The following TMC1 variants were observed in gnomAD, a reference collection of about 807,000 sequenced individuals.
The protein encoded by TMC1 is transmembrane channel like 1, also known as transmembrane channel-like protein 1.
In TMC1, 84 loss-of-function variants were observed where a neutral mutation model predicts 105.8. The observed-to-expected ratio is 0.79, with a 90% CI of 0.67 to 0.95. The LOEUF is 0.95. TMC1 is among the 40% of genes least tolerant of loss of function. The pLI is 0.00. For synonymous variants in TMC1, 315 were observed against 311.5 expected (o/e 1.01, Z -0.12); for missense variants, 817 against 914.1 (o/e 0.89, Z 1.37).
chr9:72,576,940 CA>C (rs2132095309), intron 1 of TMC1, among the ~76,000 whole-genome samples: 1 of 152,150 alleles, frequency 6.6e-6, no homozygotes, highest in East Asian at 1.9e-4. Flanking sequence ...CCTGGACTCC[CA>C]ATTTCTACCT....
intron 4 of TMC1, among the ~76,000 whole-genome samples, chr9:72,637,200 T>C (rs751944477): frequency 2.0e-5 from 3 of 151,954 alleles, no homozygotes; most frequent in Non-Finnish European, 2.9e-5. Context: ...AGAAATTTCA[T>C]AGGGCCAGAT....
intron 12 of TMC1, among the ~76,000 whole-genome samples, chr9:72,755,094 G>GAGAA (rs796269678): frequency 1.8e-3 from 220 of 123,974 alleles, no homozygotes; most frequent in Non-Finnish European, 2.8e-3. Context: ...GAGAGAGAGA[G>GAGAA]AGAAAGAAAG....
At chr9:72,677,371 C>T (rs1373250399) in intron 5 of TMC1, among the ~76,000 whole-genome samples, 2 of 152,122 alleles carry the variant, frequency 1.3e-5, no homozygotes, top group South Asian at 2.1e-4. Flanking sequence ...AGATGAGGCT[C>T]ACCCACATAG....
chr9:72,654,148 T>C (rs1286801953), intron 5 of TMC1, among the ~76,000 whole-genome samples: 2 of 152,206 alleles, frequency 1.3e-5, no homozygotes, highest in African/African-American at 4.8e-5. Context: ...GGTTGTACAG[T>C]AAGTGTTTGA....
At chr9:72,772,222 A>G (rs1827939490) in intron 12 of TMC1, among the ~76,000 whole-genome samples, 191 bp from the exon 13 acceptor site, 1 of 152,230 alleles carries the variant, frequency 6.6e-6, no homozygotes, top group African/African-American at 2.4e-5. Flanking sequence ...ATTTTCAAAT[A>G]AACTGAAAAG....
intron 1 of TMC1, among the ~76,000 whole-genome samples, chr9:72,539,551 T>C (rs979840721): frequency 1.3e-5 from 2 of 152,150 alleles, no homozygotes; most frequent in African/African-American, 4.8e-5. Flanking sequence ...TTTGCTCTAG[T>C]TCCCAGTAAG....
intron 8 of TMC1, among the ~76,000 whole-genome samples, chr9:72,716,394 A>G (rs1434494953): frequency 6.6e-6 from 1 of 152,160 alleles, no homozygotes; most frequent in East Asian, 1.9e-4. Flanking sequence ...CTGTCCCAGG[A>G]AGGTGGGGGT....
chr9:72,599,842 A>G (rs1435445022), intron 2 of TMC1, among the ~76,000 whole-genome samples: 1 of 152,196 alleles, frequency 6.6e-6, no homozygotes, highest in African/African-American at 2.4e-5. Context: ...GAAAAAAGAA[A>G]AAAAGAAAAT....
intron 8 of TMC1, among the ~76,000 whole-genome samples, chr9:72,707,746 A>G (rs942537480): frequency 6.6e-6 from 1 of 152,104 alleles, no homozygotes; most frequent in African/African-American, 2.4e-5. Context: ...TTTGCTGTGC[A>G]GAAGCTCTTT....
At chr9:72,596,017 C>G (rs1309223847) in intron 2 of TMC1, among the ~76,000 whole-genome samples, 2 of 151,952 alleles carry the variant, frequency 1.3e-5, no homozygotes, top group African/African-American at 2.4e-5. Flanking sequence ...GCTGGGACTA[C>G]AGGCGCATGC....
intron 8 of TMC1, among the ~76,000 whole-genome samples, chr9:72,704,556 G>A (rs1826701997): frequency 6.6e-6 from 1 of 152,180 alleles, no homozygotes; most frequent in South Asian, 2.1e-4. Flanking sequence ...CTAGGAATTG[G>A]TTGTGAATCC....
At chr9:72,621,019 T>C (rs1266431496) in intron 3 of TMC1, among the ~76,000 whole-genome samples, 5 of 152,224 alleles carry the variant, frequency 3.3e-5, no homozygotes, top group African/African-American at 9.6e-5. Context: ...GGCAACCAAG[T>C]GAGCCACTTA....
At chr9:72,735,366 C>T (rs1427669433) in intron 8 of TMC1, among the ~76,000 whole-genome samples, 1 of 152,174 alleles carries the variant, frequency 6.6e-6, no homozygotes, top group Non-Finnish European at 1.5e-5. Flanking sequence ...AGAAAAATCT[C>T]TTTAATTTAT....
At chr9:72,711,225 C>T (rs961919534) in intron 8 of TMC1, among the ~76,000 whole-genome samples, 3 of 152,170 alleles carry the variant, frequency 2.0e-5, no homozygotes, top group Admixed American at 6.5e-5. Context: ...CTGCAGTAAA[C>T]ATACGTGTGC....
chr9:72,820,777 G>T, intron 19 of TMC1, 65 bp from the exon 20 acceptor site: 1 of 1,600,168 alleles, frequency 6.2e-7, no homozygotes. Context: ...CAAATAAACA[G>T]GTGCAGTGTG....
chr9:72,725,392 C>CAT (rs1370660092), intron 8 of TMC1, among the ~76,000 whole-genome samples: 5 of 119,968 alleles, frequency 4.2e-5, no homozygotes, highest in African/African-American at 1.5e-4. Flanking sequence ...CACATGCGTA[C>CAT]ATATATATAC....
At chr9:72,559,753 A>G (rs17057885) in intron 1 of TMC1, among the ~76,000 whole-genome samples, 5,564 of 152,312 alleles carry the variant, frequency 0.037, 129 homozygotes, top group Middle Eastern at 0.088. Context: ...GAAAATGGAG[A>G]CAAACCACTC....
chr9:72,625,714 G>T (rs1018739479), intron 3 of TMC1, among the ~76,000 whole-genome samples: 8 of 150,462 alleles, frequency 5.3e-5, no homozygotes, highest in Non-Finnish European at 1.0e-4. Flanking sequence ...AAAAAAAAAA[G>T]GAATCAGGGG....
Position 72,791,985 on chromosome 9 carries a change from CT to C in TMC1, c.1325del (p.Leu442HisfsTer10). ...DYHPLIALKW[L>X]LGRIFALLLG... Reference sequence around the variant, plus strand: ...CCATCCTCTCATCGCTTTGAAATGGCTACTGGGACGCATTTTTGCTCTTCTT... The same window carrying C: ...CCATCCTCTCATCGCTTTGAAATGGCACTGGGACGCATTTTTGCTCTTCTT... On this transcript the variant is annotated frameshift_variant, in exon 16 of 24. Coordinates refer to ENST00000297784, the MANE Select transcript of TMC1 (RefSeq NM_138691.3). LOFTEE classifies it high-confidence loss of function. 3 of 1,614,044 alleles carry C rather than the reference CT, an allele frequency of 1.9e-6. No individual in the cohort carries two copies. The highest frequency in any genetic ancestry group is 2.5e-6 in the Non-Finnish European group (3 of 1,179,960).
Sources: gnomAD v4.1 joint callset for allele counts (sites outside exome capture counted in the v4.1 genomes callset) on GRCh38, gnomAD v4.1.1 for gene constraint, MANE v1.5 for transcripts, NCBI Gene and HGNC (gene_info 2026-07-23, HGNC 2026-07-21) for gene names.